DLGAP3: variants seen among roughly 807,000 people sequenced by gnomAD.
DLGAP3 encodes the protein disks large-associated protein 3.
Under a neutral mutation model 81.2 loss-of-function variants are expected in DLGAP3, and 17 were observed. That is an observed-to-expected ratio of 0.21 (90% CI 0.14 to 0.31). DLGAP3 has a LOEUF of 0.31. Ranked by LOEUF, DLGAP3 falls within the 10% of genes least tolerant of loss-of-function variation. The probability of loss-of-function intolerance (pLI) is 1.00; values close to 1 mark genes in which losing one functional copy is unlikely to be tolerated. For missense variants in DLGAP3, 1,124 were observed against 1,388.0 expected, an observed-to-expected ratio of 0.81 and a Z score of 3.02; for synonymous variants, 577 against 587.4, an observed-to-expected ratio of 0.98 and a Z score of 0.26.
rs1168618046 is a variant in DLGAP3 at position 34,901,607 on chromosome 1, TAG to T, written c.1108-1336_1108-1335del. On this transcript the variant is annotated intron_variant, in intron 3 of 11. Transcript: ENST00000373347. ...TTGGTGGCAAAGATAAATGAGCCAA[TAG>T]AGAGTTTCCAGGACATAGAAAGTGC... 2.0e-5 allele frequency among the ~76,000 whole-genome samples: 3 copies of T among 152,292 alleles called. No individual in the cohort carries two copies. The South Asian group carries it at 6.2e-4, about 32-fold the overall frequency.
In DLGAP3 at chr1:34,867,183, A is replaced by G. The variant is rs1246674231; in HGVS notation, c.2586T>C (p.Thr862=). 4 of 1,614,030 alleles carry G rather than the reference A, an allele frequency of 2.5e-6. No individual in the cohort carries two copies. The South Asian group carries it at 3.3e-5, about 13-fold the overall frequency. Residue 862 remains threonine (T), a synonymous_variant, in exon 11 of 12, where the codon ACT becomes ACC. Transcript: ENST00000373347. The surrounding 1 kb of genome is among the most constrained non-coding windows in gnomAD (Gnocchi z 4.3). Reference sequence around the variant, plus strand: ...CCTGGAAGGTGGGCACAGGGAACGCAGTGGGATCCTGCAACAGAGGAAGAT... The same window carrying G: ...CCTGGAAGGTGGGCACAGGGAACGCGGTGGGATCCTGCAACAGAGGAAGAT... ...FRLCQQSMDP[T]AFPVPTFQDL...
chr1:34,904,603 A>G lies in DLGAP3; in HGVS notation c.781T>C (p.Trp261Arg). 1 of 1,612,482 alleles carries G rather than the reference A, an allele frequency of 6.2e-7. No homozygotes were observed. Among genetic ancestry groups the G allele is most frequent in the South Asian group, 1.1e-5 (1 of 91,072 alleles). ...CTGTCCAAGTTGTCATCGGAACTCCACCAGCCTGTGGACTTGGCCTGGTGC... is the reference window on the plus strand; with the variant it reads ...CTGTCCAAGTTGTCATCGGAACTCCGCCAGCCTGTGGACTTGGCCTGGTGC... ...GRHQAKSTGW[W>R]SSDDNLDSDS... The change falls in exon 3 of 12, where the codon TGG becomes CGG. Residue 261 changes from tryptophan (W) to arginine (R), a missense_variant. Coordinates refer to ENST00000373347, the MANE Select transcript of DLGAP3 (RefSeq NM_001080418.3). This position sits in a 1 kb window ranked among gnomAD's most constrained non-coding sequence, Gnocchi z 8.1.
intron 2 of DLGAP3, among the ~76,000 whole-genome samples, chr1:34,906,260 T>C (rs930189985): frequency 6.6e-6 from 1 of 151,718 alleles, no homozygotes; most frequent in African/African-American, 2.4e-5. Context: ...AACCAGTCTT[T>C]AGGTGAACTA....
intron 5 of DLGAP3, among the ~76,000 whole-genome samples, chr1:34,899,360 A>G (rs1327619629): frequency 6.6e-6 from 1 of 152,160 alleles, no homozygotes; most frequent in Non-Finnish European, 1.5e-5. Context: ...GAGCCACTGC[A>G]CCCGGCCAAT....
intron 1 of DLGAP3, among the ~76,000 whole-genome samples, chr1:34,926,958 G>A (rs1244657111): frequency 2.0e-5 from 3 of 152,106 alleles, no homozygotes; most frequent in Non-Finnish European, 2.9e-5. Context: ...TAGCCAGCTC[G>A]AGCCCCAACA....
At chr1:34,899,784 A>T in intron 4 of DLGAP3, 43 bp from the exon 5 acceptor site, 36 of 1,540,526 alleles carry the variant, frequency 2.3e-5, no homozygotes, top group Non-Finnish European at 3.0e-5. Flanking sequence ...GTGGACTGCT[A>T]GGAGGTGGGG....
intron 8 of DLGAP3, among the ~76,000 whole-genome samples, chr1:34,876,821 C>A (rs1440645773): frequency 6.6e-6 from 1 of 152,186 alleles, no homozygotes; most frequent in Non-Finnish European, 1.5e-5. Context: ...AGGAAGGCCA[C>A]GTTCTCTGCC....
At chr1:34,919,526 C>T (rs1435784385) in intron 1 of DLGAP3, among the ~76,000 whole-genome samples, 2 of 152,192 alleles carry the variant, frequency 1.3e-5, no homozygotes. Flanking sequence ...TACCTGTAAT[C>T]CCAGCACTTT....
chr1:34,885,439 C>A, intron 7 of DLGAP3, 39 bp downstream of exon 7: 1 of 1,599,656 alleles, frequency 6.3e-7, no homozygotes, highest in South Asian at 1.1e-5. Context: ...CCCGACCGAC[C>A]AGGGTCAGAG....
intron 8 of DLGAP3, among the ~76,000 whole-genome samples, chr1:34,880,127 C>T (rs573392020): frequency 6.6e-6 from 1 of 152,176 alleles, no homozygotes; most frequent in Admixed American, 6.5e-5. Flanking sequence ...GATCAGAGAT[C>T]ACTGCACCCT....
At chr1:34,875,379 CAG>C (rs1380114412) in intron 8 of DLGAP3, among the ~76,000 whole-genome samples, 1 of 152,140 alleles carries the variant, frequency 6.6e-6, no homozygotes, top group East Asian at 1.9e-4. Flanking sequence ...AGATAAATAA[CAG>C]ATGTTTTTAC....
chr1:34,865,863 G>A lies in DLGAP3; in HGVS notation c.*220C>T. The A allele has an allele frequency of 3.1e-6, 2 of 653,296 alleles. No homozygotes were observed. Among genetic ancestry groups the A allele is most frequent in the Non-Finnish European group, 2.7e-6 (1 of 363,680 alleles). 40.5% of individuals were successfully genotyped at this position (653,296 alleles called of 1,614,324 possible). A position where few individuals can be genotyped will look rare whatever the true frequency, so the allele number is the denominator to read the frequency against. On this transcript the variant is annotated 3_prime_UTR_variant, in exon 12 of 12. Transcript: ENST00000373347. ...TGGGCAGGGGATCCAGGTGAGGGGCGCAGGGCGGAGAGGCACGGCCCCCTG... is the reference window on the plus strand; with the variant it reads ...TGGGCAGGGGATCCAGGTGAGGGGCACAGGGCGGAGAGGCACGGCCCCCTG...
Position 34,904,838 on chromosome 1 carries a change from G to C in DLGAP3, c.546C>G (p.Ala182=). The stretch of plus-strand genomic sequence containing the variant: ...CCGGCGCCTCCAGAGAGTGGGACTT[G>C]GCAAAGAGCTTCTGCACAGAATGAA... ...HLVHSVQKLF[A]KSHSLEAPGK... is the part of the protein sequence containing the mutation. Residue 182 remains alanine, a synonymous_variant, in exon 3 of 12, where the codon GCC becomes GCG. Transcript: ENST00000373347. This position sits in a 1 kb window ranked among gnomAD's most constrained non-coding sequence, Gnocchi z 8.1. 6.2e-7 allele frequency: 1 copy of C among 1,610,106 alleles called. No homozygotes were observed.
intron 8 of DLGAP3, among the ~76,000 whole-genome samples, chr1:34,871,478 G>A (rs988154313): frequency 2.6e-5 from 4 of 152,186 alleles, no homozygotes; most frequent in Non-Finnish European, 5.9e-5. Context: ...CAGCCCTGCC[G>A]TTCAGGCAGA....
chr1:34,913,377 T>G (rs982353684), intron 1 of DLGAP3, among the ~76,000 whole-genome samples: 2 of 152,044 alleles, frequency 1.3e-5, no homozygotes, highest in Non-Finnish European at 1.5e-5. Context: ...AAATCCCACC[T>G]CAGGGGGCTT....
At position 34,900,234 on chromosome 1, in the gene DLGAP3, T is replaced by C; in HGVS notation, c.1147A>G (p.Lys383Glu). The C allele has an allele frequency of 1.2e-6, 2 of 1,614,056 alleles. No individual in the cohort carries two copies. Among genetic ancestry groups the C allele is most frequent in the Non-Finnish European group, 1.7e-6 (2 of 1,180,018 alleles). ...DDWGGYPTGG[K>E]DGEIPCRRMR... ...CTGCGGCAGGGGATCTCCCCATCCT[T>C]GCCACCGGTGGGGTAACCCCCCCAG... The change falls in exon 4 of 12, where the codon AAG (lysine) becomes GAG (glutamate). Residue 383 changes from lysine to glutamate, a missense_variant. Physicochemically the swap from Lys to Glu is moderately conservative, Grantham distance 56. Transcript: ENST00000373347. The surrounding 1 kb of genome is among the most constrained non-coding windows in gnomAD (Gnocchi z 5.6).
At chr1:34,908,406 C>A (rs1042840276) in intron 1 of DLGAP3, among the ~76,000 whole-genome samples, 3 of 152,096 alleles carry the variant, frequency 2.0e-5, no homozygotes, top group Admixed American at 1.3e-4. Context: ...AAAGAACCTA[C>A]CCAGTGGAGG....
chr1:34,910,962 G>A (rs780724598), intron 1 of DLGAP3, among the ~76,000 whole-genome samples: 6 of 151,430 alleles, frequency 4.0e-5, no homozygotes, highest in Non-Finnish European at 7.4e-5. Flanking sequence ...AGAACAAGAT[G>A]CTTTCGTTTA....
At chr1:34,893,166 G>A (rs868743598) in intron 5 of DLGAP3, among the ~76,000 whole-genome samples, 29 of 123,254 alleles carry the variant, frequency 2.4e-4, no homozygotes, top group Non-Finnish European at 4.3e-4. Flanking sequence ...GCGACAGAGC[G>A]AGACTCCGTC....
Sources: gnomAD v4.1 joint callset for allele counts (sites outside exome capture counted in the v4.1 genomes callset) on GRCh38, gnomAD v4.1.1 for gene constraint, Gnocchi (gnomAD v3.1) non-coding constraint, MANE v1.5 for transcripts, NCBI Gene and HGNC (gene_info 2026-07-23, HGNC 2026-07-21) for gene names.